CDC20B: variants seen among roughly 807,000 people sequenced by gnomAD.
The protein encoded by CDC20B is cell division cycle protein 20 homolog B.
A neutral mutation model predicts 64.1 loss-of-function variants in CDC20B; 58 were observed. The ratio of observed to expected loss-of-function variants is 0.90; its 90% CI spans 0.73 to 1.13. The LOEUF (loss-of-function observed/expected upper bound fraction) is 1.13, where lower values mean the gene tolerates loss of function less well. Among genes scored for constraint, CDC20B ranks in the 50% most tolerant of loss-of-function variants. CDC20B has a pLI of 0.00. For synonymous variants in CDC20B, 243 were observed against 230.6 expected, an observed-to-expected ratio of 1.05 and a Z score of -0.49; for missense variants, 597 against 633.0, an observed-to-expected ratio of 0.94 and a Z score of 0.61.
chr5:55,137,575 T>C (rs1293682850), intron 5 of CDC20B: 4 of 456,704 alleles, frequency 8.8e-6, no homozygotes, highest in South Asian at 6.2e-5. Context: ...GGCCTCTCAA[T>C]TAGTCTTTGC....
At chr5:55,127,178 G>A (rs1323319671) in intron 8 of CDC20B, 79 bp downstream of exon 8, 57 of 1,271,536 alleles carry the variant, frequency 4.5e-5, no homozygotes, top group Non-Finnish European at 6.1e-5. Flanking sequence ...TTTAGGTTTT[G>A]AATATTACAA....
At chr5:55,134,991 C>T (rs1219246436) in intron 5 of CDC20B, among the ~76,000 whole-genome samples, 3 of 152,096 alleles carry the variant, frequency 2.0e-5, no homozygotes, top group South Asian at 4.1e-4. Context: ...ATTGGTCAAA[C>T]CCATAGAATA....
At chr5:55,171,175 G>T (rs62360415) in intron 2 of CDC20B, among the ~76,000 whole-genome samples, 17,386 of 152,060 alleles carry the variant, frequency 0.11, 1,089 homozygotes, top group East Asian at 0.26. Context: ...TTAGCCCAGC[G>T]TGGTGGTGCT....
intron 3 of CDC20B, among the ~76,000 whole-genome samples, chr5:55,143,905 A>G (rs375564306): frequency 6.6e-6 from 1 of 152,008 alleles, no homozygotes; most frequent in African/African-American, 2.4e-5. Flanking sequence ...AAGCTGTCTC[A>G]GTGGCCTCTA....
At chr5:55,135,154 G>A (rs1315011454) in intron 5 of CDC20B, among the ~76,000 whole-genome samples, 3 of 152,038 alleles carry the variant, frequency 2.0e-5, no homozygotes, top group Non-Finnish European at 4.4e-5. Flanking sequence ...AGGGATATAA[G>A]GGAACCTGCA....
At position 55,143,493 on chromosome 5, in the gene CDC20B, GT is replaced by G; in HGVS notation, c.486+19del. On this transcript the variant is annotated intron_variant, in intron 4 of 11. Transcript: ENST00000381375. ...AGCTTCTCTAGATGTGGGATCTTCA[GT>G]TTTTTTCTCTTTACCTACCTGCCCT... 1.9e-6 allele frequency: 3 copies of G among 1,569,202 alleles called. No homozygotes were observed. Among genetic ancestry groups the G allele is most frequent in the East Asian group, 4.5e-5 (2 of 44,254 alleles).
intron 6 of CDC20B, 24 bp from the exon 7 acceptor site, chr5:55,128,641 A>T: frequency 1.4e-6 from 2 of 1,479,762 alleles, no homozygotes; most frequent in Non-Finnish European, 1.8e-6. Context: ...ACTTCAAATT[A>T]GTATAATTAT....
chr5:55,133,460 G>A lies in CDC20B; in HGVS notation c.649C>T (p.Leu217Phe). ...ATATGAATCTTCACCTCTGGTTGGA[G>A]TATGGAATCGTTTATATCACCAGAA... ...KSSGDINDSILQPEVKIHITG... is the reference protein window; with the variant it reads ...KSSGDINDSIFQPEVKIHITG... Residue 217 changes from leucine to phenylalanine, a missense_variant, in exon 6 of 12, where the codon CTC becomes TTC. This residue lies in a region of CDC20B where 353 missense variants were observed against 397.0 expected (regional missense o/e 0.89). Coordinates refer to ENST00000381375, the MANE Select transcript of CDC20B (RefSeq NM_001170402.1). 8 of 1,582,918 alleles carry A rather than the reference G, an allele frequency of 5.1e-6. No individual in the cohort carries two copies. In the South Asian group the frequency reaches 8.1e-5, roughly 16 times the overall value.
intron 5 of CDC20B, chr5:55,137,352 C>A: frequency 2.9e-6 from 1 of 340,572 alleles, no homozygotes; most frequent in East Asian, 7.4e-5. Flanking sequence ...CAAAGAGGTA[C>A]ACCTGAAAGT....
chr5:55,169,673 CA>C (rs993040188), intron 2 of CDC20B, among the ~76,000 whole-genome samples: 1 of 151,820 alleles, frequency 6.6e-6, no homozygotes, highest in Non-Finnish European at 1.5e-5. Context: ...ATCCCCCACC[CA>C]AAAAAAATCC....
At chr5:55,159,833 G>C (rs907015229) in intron 2 of CDC20B, among the ~76,000 whole-genome samples, 2 of 152,260 alleles carry the variant, frequency 1.3e-5, no homozygotes, top group South Asian at 2.1e-4. Context: ...CCAAACAGTT[G>C]CTCAATAAAT....
rs115460301 is a variant in CDC20B at position 55,168,140 on chromosome 5, C to T, written c.126+4448G>A. On this transcript the variant is annotated intron_variant, in intron 2 of 11. Transcript: ENST00000381375. ...TAATTGTTAGGCCTAGAAACTAATCCACCACACTCCTTCCCACTCTTCCCT... is the reference window on the plus strand; with the variant it reads ...TAATTGTTAGGCCTAGAAACTAATCTACCACACTCCTTCCCACTCTTCCCT... 4.6e-3 allele frequency among the ~76,000 whole-genome samples: 696 copies of T among 152,010 alleles called. 3 individuals are homozygous for T. The highest frequency in any genetic ancestry group is 0.016 in the African/African-American group (666 of 41,424).
At position 55,127,256 on chromosome 5, in the gene CDC20B, C is replaced by G. The variant is rs755272178; in HGVS notation, c.989+1G>C. On this transcript the variant is annotated splice_donor_variant, in intron 8 of 11. Transcript: ENST00000381375. LOFTEE classifies it high-confidence loss of function. ...ACTGTCTCCAACAAGACGCTTCTTA[C>G]CTGCTGAGGATAAAGTGATTCCAGC... 7 of 1,612,980 alleles carry G rather than the reference C, an allele frequency of 4.3e-6. No homozygotes were observed. The highest frequency in any genetic ancestry group is 1.7e-4 in the Middle Eastern group (1 of 6,056).
At chr5:55,120,047 G>T in intron 10 of CDC20B, 129 bp from the exon 11 acceptor site, 2 of 690,750 alleles carry the variant, frequency 2.9e-6, no homozygotes, top group Non-Finnish European at 4.9e-6. Flanking sequence ...GGATGTTAAA[G>T]AAATTACAAC....
At chr5:55,144,321 T>C (rs534005128) in intron 3 of CDC20B, among the ~76,000 whole-genome samples, 13 of 152,328 alleles carry the variant, frequency 8.5e-5, no homozygotes, top group Non-Finnish European at 1.8e-4. Flanking sequence ...CTTCTCAAGA[T>C]TGAGAAAGCC....
At chr5:55,155,604 G>A (rs1418303438) in intron 2 of CDC20B, among the ~76,000 whole-genome samples, 3 of 152,150 alleles carry the variant, frequency 2.0e-5, no homozygotes, top group East Asian at 1.9e-4. Flanking sequence ...AATGTTCATC[G>A]TCTCATGTTT....
At chr5:55,161,271 G>A in intron 2 of CDC20B, 1 of 1,605,938 alleles carries the variant, frequency 6.2e-7, no homozygotes, top group Admixed American at 1.7e-5. Context: ...TATCTGCCTT[G>A]CATATGCTGT....
chr5:55,141,452 G>A (rs1743326550), intron 4 of CDC20B, among the ~76,000 whole-genome samples: 1 of 152,246 alleles, frequency 6.6e-6, no homozygotes, highest in African/African-American at 2.4e-5. Context: ...TTAGAGCCAA[G>A]TGATGGCCTT....
intron 2 of CDC20B, among the ~76,000 whole-genome samples, chr5:55,152,240 C>T (rs143476257): frequency 1.1e-4 from 16 of 152,310 alleles, no homozygotes; most frequent in Non-Finnish European, 1.6e-4. Flanking sequence ...CTCTGGCCTC[C>T]GTAACTAGAA....
Sources: allele counts gnomAD v4.1 joint callset (sites outside exome capture counted in the v4.1 genomes callset), GRCh38; gene constraint gnomAD v4.1.1; regional missense constraint gnomAD v4.1.1; transcripts MANE v1.5; gene names NCBI Gene and HGNC (gene_info 2026-07-23, HGNC 2026-07-21).